Variants in ANKFN1 observed in about 807,000 individuals in gnomAD.
ANKFN1 encodes the protein ankyrin repeat and fibronectin type-III domain-containing protein 1.
Under a neutral mutation model 108.7 loss-of-function variants are expected in ANKFN1, and 74 were observed. The ratio of observed to expected loss-of-function variants is 0.68; its 90% CI spans 0.56 to 0.83. The LOEUF is 0.83. ANKFN1 is among the 40% of genes least tolerant of loss of function. The probability of loss-of-function intolerance (pLI) is 0.00; values close to 1 mark genes in which losing one functional copy is unlikely to be tolerated. For synonymous variants in ANKFN1, 547 were observed against 516.2 expected (o/e 1.06, Z -0.81); for missense variants, 1,505 against 1,382.3 (o/e 1.09, Z -1.41).
intron 4 of ANKFN1, among the ~76,000 whole-genome samples, chr17:56,067,921 T>C (rs112375515): frequency 8.5e-5 from 13 of 152,276 alleles, no homozygotes; most frequent in African/African-American, 3.1e-4. Flanking sequence ...GTCATCAGTG[T>C]CTTTGGAATT....
intron 4 of ANKFN1, among the ~76,000 whole-genome samples, chr17:56,073,757 A>G (rs1905147071): frequency 6.6e-6 from 1 of 152,222 alleles, no homozygotes; most frequent in Non-Finnish European, 1.5e-5. Flanking sequence ...TGTGAACAGA[A>G]TCATACAATA....
chr17:56,308,524 AT>A (rs1316512959), intron 3 of ANKFN1, among the ~76,000 whole-genome samples: 1 of 151,868 alleles, frequency 6.6e-6, no homozygotes, highest in African/African-American at 2.4e-5. Context: ...CATGCCAGTG[AT>A]TTTTTTCTAG....
chr17:56,373,591 T>A (rs1477623249), intron 7 of ANKFN1, among the ~76,000 whole-genome samples: 1 of 152,234 alleles, frequency 6.6e-6, no homozygotes, highest in Non-Finnish European at 1.5e-5. Context: ...GGTCTCTGCC[T>A]CTGCTGCAGG....
At chr17:56,286,452 G>T (rs1191739213) in intron 3 of ANKFN1, among the ~76,000 whole-genome samples, 1 of 152,172 alleles carries the variant, frequency 6.6e-6, no homozygotes, top group Non-Finnish European at 1.5e-5. Flanking sequence ...AAAGGTTGAA[G>T]ATATCAAATA....
At chr17:56,141,910 T>A (rs1340566982) in intron 4 of ANKFN1, among the ~76,000 whole-genome samples, 1 of 148,454 alleles carries the variant, frequency 6.7e-6, no homozygotes, top group Non-Finnish European at 1.5e-5. Context: ...CTCTTTTTCA[T>A]AACGATGGTG....
intron 8 of ANKFN1, among the ~76,000 whole-genome samples, chr17:56,384,495 G>A (rs2144835024): frequency 6.6e-6 from 1 of 152,264 alleles, no homozygotes; most frequent in African/African-American, 2.4e-5. Context: ...GGCAGGAGAA[G>A]GAAATAAAGG....
rs2050114754 is a variant in ANKFN1 at position 56,467,478 on chromosome 17, A to T, written c.1773+907A>T. Among the ~76,000 whole-genome samples, 2 of 151,882 alleles carry T rather than the reference A, an allele frequency of 1.3e-5. 1 individual carries two copies. The highest frequency in any genetic ancestry group is 4.2e-4 in the South Asian group (2 of 4,816). On this transcript the variant is annotated intron_variant, in intron 15 of 20. Transcript: ENST00000682825. ...GCAGGTCACCTGAGGTCAGGGGTTCAAGACCAACCTGGCCAACATGGTGAA... is the reference window on the plus strand; with the variant it reads ...GCAGGTCACCTGAGGTCAGGGGTTCTAGACCAACCTGGCCAACATGGTGAA...
intron 10 of ANKFN1, 70 bp downstream of exon 10, chr17:56,443,003 C>T: frequency 6.7e-6 from 10 of 1,495,652 alleles, no homozygotes; most frequent in Non-Finnish European, 8.3e-6. Flanking sequence ...TTCAGGGTGC[C>T]ATTGCCATTC....
At chr17:56,068,902 C>A (rs970728134) in intron 4 of ANKFN1, among the ~76,000 whole-genome samples, 5 of 151,948 alleles carry the variant, frequency 3.3e-5, no homozygotes, top group Non-Finnish European at 5.9e-5. Flanking sequence ...TTTCTAAAAC[C>A]CTCTTTGAAA....
At chr17:56,133,744 G>C (rs1208021897) in intron 4 of ANKFN1, among the ~76,000 whole-genome samples, 1 of 151,778 alleles carries the variant, frequency 6.6e-6, no homozygotes, top group East Asian at 1.9e-4. Flanking sequence ...TGTAGTTCTG[G>C]CTGAACTGTA....
At chr17:56,243,321 T>C (rs2144013743) in intron 3 of ANKFN1, among the ~76,000 whole-genome samples, 1 of 152,196 alleles carries the variant, frequency 6.6e-6, no homozygotes, top group East Asian at 1.9e-4. Flanking sequence ...AGACTGCCAG[T>C]CCAACAATAC....
intron 4 of ANKFN1, among the ~76,000 whole-genome samples, chr17:56,064,638 C>G (rs1036368762): frequency 1.3e-5 from 2 of 152,226 alleles, no homozygotes; most frequent in African/African-American, 4.8e-5. Context: ...ACCTTTCCCC[C>G]ACCCAGGCAG....
rs71139913 is a variant in ANKFN1, at chr17:56,516,257, A to AGT, written c.*5012_*5013dup. Among the ~76,000 whole-genome samples the AGT allele has an allele frequency of 0.13, 19,590 of 148,280 alleles. 1,910 individuals are homozygous for AGT. The highest frequency in any genetic ancestry group is 0.29 in the African/African-American group (11,741 of 40,490). ...GTTTGATGTTTGTGATTTTTAAAAAAGTGTGTGTGTGTGTGTGTGTGTGTG... is the reference window on the plus strand; with the variant it reads ...GTTTGATGTTTGTGATTTTTAAAAAAGTGTGTGTGTGTGTGTGTGTGTGTGTG... On this transcript the variant is annotated 3_prime_UTR_variant, in exon 21 of 21. Coordinates refer to ENST00000682825, the MANE Select transcript of ANKFN1 (RefSeq NM_001370326.1).
At position 56,132,895 on chromosome 17, in the gene ANKFN1, C is replaced by A. The variant is rs901610508; in HGVS notation, c.288+86570C>A. 4.9e-4 allele frequency among the ~76,000 whole-genome samples: 75 copies of A among 152,140 alleles called. 1 individual carries two copies. The highest frequency in any genetic ancestry group is 1.9e-4 in the Non-Finnish European group (13 of 68,036). ...AAGACTCCACCTCCTAATACCATCA[C>A]CTTGGTAATTAGGTTTTAAGACATG... On this transcript the variant is annotated intron_variant, in intron 4 of 12. Transcript: ENST00000635860.
chr17:56,105,528 C>T (rs2143233166), intron 4 of ANKFN1, among the ~76,000 whole-genome samples: 1 of 151,850 alleles, frequency 6.6e-6, no homozygotes, highest in East Asian at 1.9e-4. Context: ...TTCTTTCTTC[C>T]CTCCCTCCTT....
chr17:56,188,541 GTATA>G lies in ANKFN1; in HGVS notation c.-70-24055_-70-24052del, dbSNP rs200851638. ...TTATATATAAGAAATAAAATAAGAT[GTATA>G]TGTGTGTGTGTGTGTGTATGTGTGT... On this transcript the variant is annotated intron_variant, in intron 1 of 20. Coordinates refer to ENST00000682825, the MANE Select transcript of ANKFN1 (RefSeq NM_001370326.1). 4.7e-3 allele frequency among the ~76,000 whole-genome samples: 432 copies of G among 92,800 alleles called. 2 individuals are homozygous for G. The highest frequency in any genetic ancestry group is 0.011 in the African/African-American group (245 of 21,800). 60.9% of individuals were successfully genotyped at this position (92,800 alleles called of 152,430 possible).
chr17:56,502,525 T>C (rs4793819), intron 20 of ANKFN1, among the ~76,000 whole-genome samples: 117,501 of 152,114 alleles, frequency 0.77, 46,404 homozygotes, highest in East Asian at 0.94. Context: ...AACCTAATGA[T>C]GGGGAAGTGC....
chr17:56,118,717 G>A (rs746604733), intron 4 of ANKFN1, among the ~76,000 whole-genome samples: 4 of 152,044 alleles, frequency 2.6e-5, no homozygotes, highest in South Asian at 2.1e-4. Context: ...ATTAAGAAGC[G>A]AACATATTAC....
intron 14 of ANKFN1, among the ~76,000 whole-genome samples, chr17:56,463,568 T>C (rs1027667028): frequency 1.8e-4 from 28 of 152,190 alleles, no homozygotes; most frequent in African/African-American, 6.8e-4. Context: ...ATTGTTTTTC[T>C]TTCTCTTAGG....
Sources: gnomAD v4.1 joint callset for allele counts (sites outside exome capture counted in the v4.1 genomes callset) on GRCh38, gnomAD v4.1.1 for gene constraint, MANE v1.5 for transcripts, NCBI Gene and HGNC (gene_info 2026-07-23, HGNC 2026-07-21) for gene names.